The following C12orf42 variants were observed in gnomAD, a reference collection of about 807,000 sequenced individuals.
C12orf42 encodes the protein uncharacterized protein C12orf42.
C12orf42 carries 25 observed loss-of-function variants against 21.6 expected under a neutral mutation model. The ratio of observed to expected loss-of-function variants is 1.16; its 90% CI spans 0.84 to 1.62. The LOEUF (loss-of-function observed/expected upper bound fraction) is 1.62, where lower values mean the gene tolerates loss of function less well. Ranked by LOEUF, C12orf42 falls within the 40% of genes most tolerant of loss-of-function variation. The pLI is 0.00. For synonymous variants in C12orf42, 174 were observed against 175.0 expected (o/e 0.99, Z 0.05); for missense variants, 483 against 459.3 (o/e 1.05, Z -0.47).
chr12:103,513,211 A>G, the C12orf42 span, among the ~76,000 whole-genome samples: 1 of 152,080 alleles, frequency 6.6e-6, no homozygotes, highest in South Asian at 2.1e-4. Context: ...CCAGGCAAGG[A>G]GAGTCAGAAT....
At chr12:103,409,960 A>G (rs1020600864) in intron 2 of C12orf42, among the ~76,000 whole-genome samples, 3 of 152,222 alleles carry the variant, frequency 2.0e-5, no homozygotes, top group African/African-American at 7.2e-5. Context: ...TTGAATGTCT[A>G]ATTGCAAATG....
intron 2 of C12orf42, among the ~76,000 whole-genome samples, chr12:103,477,368 G>A (rs1028536552): frequency 1.9e-4 from 29 of 152,106 alleles, no homozygotes; most frequent in African/African-American, 6.5e-4. Flanking sequence ...TGGAGGGTGG[G>A]TGGTAATGTG....
chr12:103,286,776 C>G (rs2036489209), intron 4 of C12orf42, among the ~76,000 whole-genome samples: 1 of 151,768 alleles, frequency 6.6e-6, no homozygotes, highest in Non-Finnish European at 1.5e-5. Flanking sequence ...TTGATATATC[C>G]TAGGAATTAG....
At chr12:103,340,677 G>C (rs1346359958) in intron 4 of C12orf42, among the ~76,000 whole-genome samples, 1 of 152,134 alleles carries the variant, frequency 6.6e-6, no homozygotes, top group Non-Finnish European at 1.5e-5. Context: ...TATTCCATAA[G>C]TTCAAAATAT....
the C12orf42 span, among the ~76,000 whole-genome samples, chr12:103,522,736 AC>A: frequency 6.6e-6 from 1 of 152,100 alleles, no homozygotes; most frequent in Admixed American, 6.5e-5. Context: ...CTAATAACAC[AC>A]CCTTGGATGG....
chr12:103,322,065 T>C (rs1370770157), intron 4 of C12orf42, among the ~76,000 whole-genome samples: 1 of 152,030 alleles, frequency 6.6e-6, no homozygotes, highest in East Asian at 1.9e-4. Context: ...TAAACTTATA[T>C]AGTAATTATG....
the C12orf42 span, among the ~76,000 whole-genome samples, chr12:103,222,772 C>T: frequency 2.0e-5 from 3 of 151,902 alleles, no homozygotes; most frequent in African/African-American, 7.3e-5. Context: ...TCTCCTATCT[C>T]TGTATGGATG....
the C12orf42 span, among the ~76,000 whole-genome samples, chr12:103,529,617 T>G: frequency 6.6e-6 from 1 of 152,224 alleles, no homozygotes; most frequent in African/African-American, 2.4e-5. Context: ...ATTTGAGAAT[T>G]TGAGCTCTAC....
At chr12:103,517,403 A>G in the C12orf42 span, among the ~76,000 whole-genome samples, 1 of 152,230 alleles carries the variant, frequency 6.6e-6, no homozygotes, top group African/African-American at 2.4e-5. Flanking sequence ...TGCAGCCTGG[A>G]TGACTTACCC....
the C12orf42 span, among the ~76,000 whole-genome samples, chr12:103,088,231 A>C: frequency 6.6e-6 from 1 of 152,212 alleles, no homozygotes; most frequent in Non-Finnish European, 1.5e-5. Flanking sequence ...GAATTCTAGA[A>C]GGTTCATTCT....
chr12:103,265,176 C>A (rs567651930), downstream of C12orf42, among the ~76,000 whole-genome samples: 1 of 152,104 alleles, frequency 6.6e-6, no homozygotes, highest in Admixed American at 6.5e-5. Context: ...CCCTCATGAA[C>A]TAATCACACC....
downstream of C12orf42, among the ~76,000 whole-genome samples, chr12:103,234,940 C>T (rs1012128557): frequency 6.6e-6 from 1 of 151,754 alleles, no homozygotes; most frequent in African/African-American, 2.4e-5. Context: ...TTTTGTAGTC[C>T]CAACATTACC....
At chr12:103,292,130 C>T (rs1414024524) in intron 4 of C12orf42, among the ~76,000 whole-genome samples, 3 of 152,022 alleles carry the variant, frequency 2.0e-5, no homozygotes, top group African/African-American at 7.2e-5. Flanking sequence ...TATGGATGAA[C>T]CTTAAAAAGT....
rs73385698 is a variant in C12orf42, at chr12:103,319,661, T to C, written c.260-13316A>G. Among the ~76,000 whole-genome samples, 632 of 152,374 alleles carry C rather than the reference T, an allele frequency of 4.1e-3. 5 individuals carry two copies. Among genetic ancestry groups the C allele is most frequent in the African/African-American group, 0.015 (610 of 41,588 alleles). ...CAAACAATATTTCTAAAGATTTCAATAGTTCAAAGATTGCCCTATGGCCGT... is the reference window on the plus strand; with the variant it reads ...CAAACAATATTTCTAAAGATTTCAACAGTTCAAAGATTGCCCTATGGCCGT... On this transcript the variant is annotated intron_variant, in intron 4 of 5. Coordinates refer to ENST00000548883, the MANE Select transcript of C12orf42 (RefSeq NM_198521.5).
chr12:103,423,961 G>A (rs1462793648), intron 2 of C12orf42, among the ~76,000 whole-genome samples: 1 of 152,160 alleles, frequency 6.6e-6, no homozygotes, highest in Non-Finnish European at 1.5e-5. Context: ...ATTACCTGAA[G>A]ATGGATTTCA....
the C12orf42 span, among the ~76,000 whole-genome samples, chr12:103,501,482 G>A: frequency 5.9e-5 from 9 of 152,312 alleles, no homozygotes; most frequent in South Asian, 2.1e-4. Context: ...GTTAGTGAGC[G>A]CAGAGTTGGG....
intron 2 of C12orf42, among the ~76,000 whole-genome samples, chr12:103,459,350 T>C (rs1207024466): frequency 1.3e-5 from 2 of 152,216 alleles, no homozygotes; most frequent in Non-Finnish European, 1.5e-5. Context: ...AGTGGGGTCT[T>C]GTAGGACATG....
At chr12:103,072,093 T>G in the C12orf42 span, among the ~76,000 whole-genome samples, 2 of 152,162 alleles carry the variant, frequency 1.3e-5, no homozygotes, top group Non-Finnish European at 2.9e-5. Context: ...AAATTCCTTT[T>G]ATTTCCCAGT....
In C12orf42 at chr12:103,434,806, C is replaced by T. The variant is rs373792883; in HGVS notation, c.79-33131G>A. ...AGCAGTCTGAGATCAAACTGCAAGG[C>T]GGCAGCGAGGCTGGGGGAGGGGCGA... On this transcript the variant is annotated intron_variant, in intron 2 of 5. Coordinates refer to ENST00000548883, the MANE Select transcript of C12orf42 (RefSeq NM_198521.5). Among the ~76,000 whole-genome samples, 34 of 152,276 alleles carry T rather than the reference C, an allele frequency of 2.2e-4. 1 individual carries two copies. Among genetic ancestry groups the T allele is most frequent in the South Asian group, 1.2e-3 (6 of 4,830 alleles).
Sources: gnomAD v4.1 joint callset for allele counts (sites outside exome capture counted in the v4.1 genomes callset) on GRCh38, gnomAD v4.1.1 for gene constraint, MANE v1.5 for transcripts, NCBI Gene and HGNC (gene_info 2026-07-23, HGNC 2026-07-21) for gene names.